Variants in PCDHGB5 observed in about 807,000 individuals in gnomAD.
PCDHGB5 encodes the protein protocadherin gamma subfamily B, 5.
In PCDHGB5, 48 loss-of-function variants were observed where a neutral mutation model predicts 62.9. The observed-to-expected ratio is 0.76, with a 90% confidence interval of 0.61 to 0.97. PCDHGB5 has a LOEUF of 0.97. Among genes scored for constraint, PCDHGB5 ranks in the 50% least tolerant of loss-of-function variants. The probability of loss-of-function intolerance (pLI) is 0.00; values close to 1 mark genes in which losing one functional copy is unlikely to be tolerated. For synonymous variants in PCDHGB5, 474 were observed against 511.2 expected (o/e 0.93, Z 0.98); for missense variants, 1,118 against 1,198.6 (o/e 0.93, Z 0.99).
rs781591902 is a variant in PCDHGB5, at chr5:141,477,086, G to A, written c.2398-17721G>A. The A allele has an allele frequency of 1.1e-5, 18 of 1,614,128 alleles. No individual in the cohort carries two copies. In the East Asian group the frequency reaches 3.8e-4, roughly 34 times the overall value. The stretch of plus-strand genomic sequence containing the variant: ...CAAACTCCATGAGATTTACATCCAG[G>A]CCAAAGACAAGGGCGCCAATCCCGA... On this transcript the variant is annotated intron_variant, in intron 1 of 3. Coordinates refer to ENST00000617380, the MANE Select transcript of PCDHGB5 (RefSeq NM_018925.3). The surrounding 1 kb of genome is among the most constrained non-coding windows in gnomAD (Gnocchi z 4.9).
chr5:141,401,815 C>G (rs1217081146), intron 1 of PCDHGB5, among the ~76,000 whole-genome samples: 1 of 152,184 alleles, frequency 6.6e-6, no homozygotes, highest in Non-Finnish European at 1.5e-5. Flanking sequence ...GGGTTCCTTA[C>G]AAAGTGCTGA....
chr5:141,479,021 T>C (rs72790064), intron 1 of PCDHGB5, among the ~76,000 whole-genome samples: 1,892 of 152,352 alleles, frequency 0.012, 20 homozygotes, highest in Non-Finnish European at 0.018. Context: ...TAATTTTCCT[T>C]TGTTTATACA....
At position 141,477,938 on chromosome 5, in the gene PCDHGB5, T is replaced by C. The variant is rs1441443411; in HGVS notation, c.2398-16869T>C. The stretch of plus-strand genomic sequence containing the variant: ...TGCAGGGCACAATGCCTGGCTCTCC[T>C]ACAGTCTCTTGGGATCCCCTAACCA... On this transcript the variant is annotated intron_variant, in intron 1 of 3. Transcript: ENST00000617380. The surrounding 1 kb of genome is among the most constrained non-coding windows in gnomAD (Gnocchi z 4.9). The C allele has an allele frequency of 3.1e-6, 5 of 1,614,036 alleles. No homozygotes were observed. The highest frequency in any genetic ancestry group is 4.2e-6 in the Non-Finnish European group (5 of 1,180,030).
At chr5:141,507,932 G>C (rs2099865030) in intron 3 of PCDHGB5, 1 of 152,338 alleles carries the variant, frequency 6.6e-6, no homozygotes, top group Admixed American at 6.5e-5. Context: ...TGCTGAGAGG[G>C]GTTAAGTAAG....
intron 1 of PCDHGB5, chr5:141,418,604 G>C: frequency 6.2e-7 from 1 of 1,614,040 alleles, no homozygotes; most frequent in African/African-American, 1.3e-5. Context: ...CGTGTACAGG[G>C]TTAGCCTTCG....
chr5:141,428,222 C>A, intron 1 of PCDHGB5: 1 of 1,173,442 alleles, frequency 8.5e-7, no homozygotes, highest in Non-Finnish European at 1.2e-6. Flanking sequence ...CTAGTCTTCG[C>A]AGACAGCCTG....
chr5:141,423,798 A>G (rs551396089), intron 1 of PCDHGB5: 76 of 1,222,390 alleles, frequency 6.2e-5, no homozygotes, highest in Middle Eastern at 4.5e-4. Context: ...TATTTAGAGC[A>G]ATACATGTGA....
rs368927472 is a variant in PCDHGB5 at position 141,490,874 on chromosome 5, A to G, written c.2398-3933A>G. The G allele has an allele frequency of 2.4e-5, 39 of 1,613,830 alleles. No individual in the cohort carries two copies. Among genetic ancestry groups the G allele is most frequent in the Non-Finnish European group, 3.1e-5 (36 of 1,179,960 alleles). ...CGAGACTCCGGCTCTCCCCCATTGCATGCCAACACATCTCTGCATGTGTTT... is the reference window on the plus strand; with the variant it reads ...CGAGACTCCGGCTCTCCCCCATTGCGTGCCAACACATCTCTGCATGTGTTT... On this transcript the variant is annotated intron_variant, in intron 1 of 3. Transcript: ENST00000617380. This position sits in a 1 kb window ranked among gnomAD's most constrained non-coding sequence, Gnocchi z 5.4.
chr5:141,430,750 G>A (rs746434313), intron 1 of PCDHGB5: 2 of 1,500,586 alleles, frequency 1.3e-6, no homozygotes, highest in Non-Finnish European at 1.8e-6. Context: ...AATTCTGGAG[G>A]AAGATAAGAA....
At position 141,485,968 on chromosome 5, in the gene PCDHGB5, T is replaced by C; in HGVS notation, c.2398-8839T>C. On this transcript the variant is annotated intron_variant, in intron 1 of 3. Coordinates refer to ENST00000617380, the MANE Select transcript of PCDHGB5 (RefSeq NM_018925.3). The surrounding 1 kb of genome is among the most constrained non-coding windows in gnomAD (Gnocchi z 5.7). The stretch of plus-strand genomic sequence containing the variant: ...CGGGCATGGTGCTCATCCAGCTCAA[T>C]GCCTCAGACCCGGACCTGGGTCCCA... 6.2e-7 allele frequency: 1 copy of C among 1,614,216 alleles called. No homozygotes were observed. The highest frequency in any genetic ancestry group is 1.1e-5 in the South Asian group (1 of 91,088).
At chr5:141,423,313 G>A (rs1407028245) in intron 1 of PCDHGB5, 3 of 1,614,184 alleles carry the variant, frequency 1.9e-6, no homozygotes, top group Non-Finnish European at 1.7e-6. Context: ...GTACTTGGTG[G>A]TGGCGGTGGC....
chr5:141,476,455 G>C lies in PCDHGB5; in HGVS notation c.2398-18352G>C, dbSNP rs572682842. On this transcript the variant is annotated intron_variant, in intron 1 of 3. Transcript: ENST00000617380. The surrounding 1 kb of genome is among the most constrained non-coding windows in gnomAD (Gnocchi z 7.6). ...CTGTAACTCTGGAGTTGGTAGTGGA[G>C]AACCCGCTGGAGCTGTTCAGCGTGG... 22 of 1,614,152 alleles carry C rather than the reference G, an allele frequency of 1.4e-5. No homozygotes were observed. In the South Asian group the frequency reaches 2.4e-4, roughly 18 times the overall value.
intron 1 of PCDHGB5, chr5:141,414,753 T>A: frequency 6.2e-7 from 1 of 1,614,202 alleles, no homozygotes; most frequent in Non-Finnish European, 8.5e-7. Flanking sequence ...CCTTCGACTA[T>A]GAGCAGTTTC....
chr5:141,440,481 T>C (rs1451820594), intron 1 of PCDHGB5: 1 of 152,196 alleles, frequency 6.6e-6, no homozygotes, highest in African/African-American at 2.4e-5. Context: ...GAAAATTCTT[T>C]AAATGTTTTT....
rs765263883 is a variant in PCDHGB5 at position 141,491,018 on chromosome 5, C to T, written c.2398-3789C>T. On this transcript the variant is annotated intron_variant, in intron 1 of 3. Coordinates refer to ENST00000617380, the MANE Select transcript of PCDHGB5 (RefSeq NM_018925.3). This position sits in a 1 kb window ranked among gnomAD's most constrained non-coding sequence, Gnocchi z 6.9. The stretch of plus-strand genomic sequence containing the variant: ...CCTGGCTCCTTGGTCACCAAGGTGA[C>T]AGCCGTGGATGCTGATGCAGGCCAC... 1.2e-6 allele frequency: 2 copies of T among 1,614,146 alleles called. No individual in the cohort carries two copies. The highest frequency in any genetic ancestry group is 1.7e-6 in the Non-Finnish European group (2 of 1,180,042).
chr5:141,467,203 C>T (rs896621746), intron 1 of PCDHGB5, among the ~76,000 whole-genome samples: 1 of 152,052 alleles, frequency 6.6e-6, no homozygotes, highest in African/African-American at 2.4e-5. Flanking sequence ...CAGGCACATG[C>T]CACCATGCCT....
rs1300601208 is a variant in PCDHGB5 at position 141,499,206 on chromosome 5, AC to A, written c.2456+4344del. On this transcript the variant is annotated intron_variant, in intron 2 of 3. Transcript: ENST00000617380. ...ACCATTTCCCCCTTCTTAGGCTGTA[AC>A]CCAGGCCCTGCCCTGCAGCTGTCCC... Among the ~76,000 whole-genome samples the A allele has an allele frequency of 3.3e-5, 5 of 152,062 alleles. No homozygotes were observed. In the East Asian group the frequency reaches 7.7e-4, roughly 24 times the overall value.
chr5:141,410,068 C>T (rs2095353806), intron 1 of PCDHGB5: 1 of 1,612,832 alleles, frequency 6.2e-7, no homozygotes, highest in Non-Finnish European at 8.5e-7. Context: ...TGGGGCTGCG[C>T]ACTGGGGAGG....
chr5:141,464,138 G>A (rs62379197), intron 1 of PCDHGB5, among the ~76,000 whole-genome samples: 42,814 of 151,688 alleles, frequency 0.28, 6,814 homozygotes, highest in African/African-American at 0.44. Context: ...GGTGGTGGGC[G>A]CCTGTAGTCC....
Sources: allele counts gnomAD v4.1 joint callset (sites outside exome capture counted in the v4.1 genomes callset), GRCh38; gene constraint gnomAD v4.1.1; non-coding constraint Gnocchi (gnomAD v3.1); transcripts MANE v1.5; gene names NCBI Gene and HGNC (gene_info 2026-07-23, HGNC 2026-07-21).